The following FGD2 variants were observed in gnomAD, a reference collection of about 807,000 sequenced individuals.
FGD2 encodes FYVE, RhoGEF and PH domain-containing protein 2.
Under a neutral mutation model 75.9 loss-of-function variants are expected in FGD2, and 52 were observed. The ratio of observed to expected loss-of-function variants is 0.69; its 90% CI spans 0.55 to 0.86. The LOEUF (loss-of-function observed/expected upper bound fraction) is 0.86. Among genes scored for constraint, FGD2 ranks in the 40% least tolerant of loss-of-function variants. FGD2 has a pLI of 0.00. For synonymous variants in FGD2, 347 were observed against 348.6 expected (o/e 1.00, Z 0.05); for missense variants, 790 against 872.0 (o/e 0.91, Z 1.18).
intron 1 of FGD2, among the ~76,000 whole-genome samples, chr6:37,008,174 C>G (rs142107567): frequency 6.6e-6 from 1 of 152,308 alleles, no homozygotes; most frequent in East Asian, 1.9e-4. Context: ...GATGCCTGCC[C>G]TGTTCTGTCA....
In FGD2 at chr6:37,027,453, C is replaced by T; in HGVS notation, c.1630C>T (p.Gln544Ter). Residue 544 changes from glutamine (Q) to a stop codon, truncating the protein, a stop_gained, in exon 15 of 16, where the codon CAG (glutamine) becomes TAG (stop). Coordinates refer to ENST00000274963, the MANE Select transcript of FGD2 (RefSeq NM_173558.4). LOFTEE classifies it high-confidence loss of function. ...GAAAGGGTCCTCAGCCACGCCTGAC[C>T]AGAGCCTGATGTGCAGCTTCCTGCA... ...LEKGSSATPD[Q>*]SLMCSFLQLI... 6.2e-7 allele frequency: 1 copy of T among 1,612,870 alleles called. No homozygotes were observed. Among genetic ancestry groups the T allele is most frequent in the Non-Finnish European group, 8.5e-7 (1 of 1,179,060 alleles).
chr6:37,027,903 A>G lies in FGD2; in HGVS notation c.1753-45A>G, dbSNP rs1280883620. ...CTTCACGATGGCTATCTGGGGCAGT[A>G]GGACTGAGAGGGGACAGTGGCCCAC... On this transcript the variant is annotated intron_variant, in intron 15 of 15. Coordinates refer to ENST00000274963, the MANE Select transcript of FGD2 (RefSeq NM_173558.4). 5 of 1,594,502 alleles carry G rather than the reference A, an allele frequency of 3.1e-6. No homozygotes were observed. In the East Asian group the frequency reaches 1.1e-4, roughly 36 times the overall value.
At chr6:37,021,106 AC>A (rs1765569756) in intron 11 of FGD2, among the ~76,000 whole-genome samples, 1 of 150,052 alleles carries the variant, frequency 6.7e-6, no homozygotes, top group Non-Finnish European at 1.5e-5. Flanking sequence ...ATGTGTATGT[AC>A]GTGCTTGTGT....
At chr6:37,025,994 C>T (rs1765803349) in intron 14 of FGD2, 56 bp downstream of exon 14, 1 of 1,598,068 alleles carries the variant, frequency 6.3e-7, no homozygotes, top group Admixed American at 1.7e-5. Flanking sequence ...GAATGTGTGC[C>T]CGGCAACCAT....
At chr6:37,010,652 C>G (rs1041660332) in intron 2 of FGD2, among the ~76,000 whole-genome samples, 1 of 152,178 alleles carries the variant, frequency 6.6e-6, no homozygotes, top group African/African-American at 2.4e-5. Flanking sequence ...CTCCAGGCCT[C>G]TCCTCTCCAC....
At chr6:37,016,151 T>C (rs1325282925) in intron 9 of FGD2, among the ~76,000 whole-genome samples, 1 of 152,172 alleles carries the variant, frequency 6.6e-6, no homozygotes, top group African/African-American at 2.4e-5. Flanking sequence ...AACTTTCATG[T>C]GTGCGCGAAT....
At chr6:37,027,393 G>A (rs1583329993) in intron 14 of FGD2, 36 bp from the exon 15 acceptor site, 1 of 1,580,298 alleles carries the variant, frequency 6.3e-7, no homozygotes, top group Non-Finnish European at 8.6e-7. Flanking sequence ...ACTTGCGGCT[G>A]CTCTGCTCCC....
In FGD2 at chr6:37,020,709, G is replaced by A. The variant is rs556294687; in HGVS notation, c.1203G>A (p.Arg401=). Residue 401 remains arginine (R), a splice_region_variant and synonymous_variant, in exon 11 of 16, where the codon CGG becomes CGA. Coordinates refer to ENST00000274963, the MANE Select transcript of FGD2 (RefSeq NM_173558.4). ...ACACCTGTGTTCACTTTCCGAGCAG[G>A]TCCCAGGAGGAAATGATTTCCTGGA... ...GKQRTLELQA[R]SQEEMISWMQ... 3.2e-6 allele frequency: 5 copies of A among 1,573,494 alleles called. No individual in the cohort carries two copies. The South Asian group carries it at 5.8e-5, about 18-fold the overall frequency.
rs554580065 is a variant in FGD2, at chr6:37,021,486, C to T, written c.1234-26C>T. On this transcript the variant is annotated intron_variant, in intron 11 of 15. Coordinates refer to ENST00000274963, the MANE Select transcript of FGD2 (RefSeq NM_173558.4). ...TCCCTCCCTTCCACACCTCAAGCCCCGACCCTCCCCCTCCCTGCACCCCAG... is the reference window on the plus strand; with the variant it reads ...TCCCTCCCTTCCACACCTCAAGCCCTGACCCTCCCCCTCCCTGCACCCCAG... 272 of 1,601,686 alleles carry T rather than the reference C, an allele frequency of 1.7e-4. 2 individuals carry two copies. The highest frequency in any genetic ancestry group is 2.1e-4 in the Non-Finnish European group (246 of 1,171,930).
intron 12 of FGD2, chr6:37,021,808 G>A: frequency 1.8e-6 from 1 of 567,588 alleles, no homozygotes; most frequent in South Asian, 2.3e-5. Flanking sequence ...TTGAGAGCCT[G>A]TCTGCACAGC....
At chr6:37,020,342 T>C (rs1439882411) in intron 9 of FGD2, among the ~76,000 whole-genome samples, 199 bp from the exon 10 acceptor site, 1 of 152,240 alleles carries the variant, frequency 6.6e-6, no homozygotes, top group Non-Finnish European at 1.5e-5. Context: ...ATAGGTTCCA[T>C]TTGCTTGGAG....
intron 9 of FGD2, among the ~76,000 whole-genome samples, chr6:37,017,707 C>G (rs564719777): frequency 5.3e-5 from 8 of 152,172 alleles, no homozygotes; most frequent in Admixed American, 1.3e-4. Context: ...ACCCCTACCC[C>G]CTTCAGCCCC....
At chr6:37,009,152 G>C in intron 2 of FGD2, 87 bp downstream of exon 2, 3 of 1,317,836 alleles carry the variant, frequency 2.3e-6, no homozygotes, top group Non-Finnish European at 3.1e-6. Flanking sequence ...CCTAGCCAGA[G>C]CCAGCAGTTC....
At chr6:37,021,155 C>CGTGT (rs945584410) in intron 11 of FGD2, among the ~76,000 whole-genome samples, 2 of 147,026 alleles carry the variant, frequency 1.4e-5, no homozygotes, top group South Asian at 2.2e-4. Context: ...TGTGTGCGTG[C>CGTGT]GTGTGTGTGT....
chr6:37,013,817 G>A, intron 5 of FGD2, 52 bp downstream of exon 5: 5 of 1,605,526 alleles, frequency 3.1e-6, no homozygotes, highest in Non-Finnish European at 4.3e-6. Context: ...GCATGCAGTG[G>A]CTCAGGTTGC....
chr6:37,026,174 A>T, intron 14 of FGD2: 1 of 985,400 alleles, frequency 1.0e-6, no homozygotes, highest in Non-Finnish European at 1.2e-6. Flanking sequence ...TGTCGTCCAC[A>T]TTCTTCTGCA....
At chr6:37,008,051 C>G (rs564073185) in intron 1 of FGD2, among the ~76,000 whole-genome samples, 1 of 152,320 alleles carries the variant, frequency 6.6e-6, no homozygotes, top group South Asian at 2.1e-4. Flanking sequence ...TCATCCTGTC[C>G]AGACCTCAGT....
At chr6:37,016,404 T>C (rs1310441274) in intron 9 of FGD2, among the ~76,000 whole-genome samples, 1 of 152,166 alleles carries the variant, frequency 6.6e-6, no homozygotes, top group East Asian at 1.9e-4. Context: ...CTGGCTTGTG[T>C]GTGTCCCCAT....
At chr6:37,018,101 GA>G (rs1277637313) in intron 9 of FGD2, among the ~76,000 whole-genome samples, 1 of 152,204 alleles carries the variant, frequency 6.6e-6, no homozygotes, top group Admixed American at 6.5e-5. Context: ...GAGAAATGGA[GA>G]CGGGTGGCCC....
Sources: gnomAD v4.1 joint callset for allele counts (sites outside exome capture counted in the v4.1 genomes callset) on GRCh38, gnomAD v4.1.1 for gene constraint, MANE v1.5 for transcripts, NCBI Gene and HGNC (gene_info 2026-07-23, HGNC 2026-07-21) for gene names.